The following CHD7 variants were observed in gnomAD, a reference collection of about 807,000 sequenced individuals.
CHD7 encodes the protein ATP-dependent chromatin remodeler CHD7.
In CHD7, 24 loss-of-function variants were observed where a neutral mutation model predicts 307.3. The ratio of observed to expected loss-of-function variants is 0.08; its 90% CI spans 0.06 to 0.11. The LOEUF is 0.11. Among genes scored for constraint, CHD7 ranks in the 10% least tolerant of loss-of-function variants. The probability of loss-of-function intolerance (pLI) is 1.00; values close to 1 mark genes in which losing one functional copy is unlikely to be tolerated. For synonymous variants in CHD7, 1,363 were observed against 1,349.9 expected (o/e 1.01, Z -0.21); for missense variants, 3,106 against 3,727.1 (o/e 0.83, Z 4.34).
chr8:60,742,646 C>T lies in CHD7; in HGVS notation c.1214C>T (p.Pro405Leu). 6.2e-7 allele frequency: 1 copy of T among 1,610,938 alleles called. No individual in the cohort carries two copies. Among genetic ancestry groups the T allele is most frequent in the Non-Finnish European group, 8.5e-7 (1 of 1,177,776 alleles). ...PMSPMKAMSN[P>L]AGTPPPQVRP... ...TCACCCATGAAAGCAATGAGTAATC[C>T]AGCAGGCACTCCTCCTCCACAAGTC... The change falls in exon 2 of 38, where the codon CCA becomes CTA. Residue 405 changes from proline to leucine, a missense_variant. Transcript: ENST00000423902.
intron 4 of CHD7, among the ~76,000 whole-genome samples, chr8:60,796,539 A>G (rs1004873912): frequency 2.6e-5 from 4 of 152,166 alleles, no homozygotes; most frequent in African/African-American, 9.7e-5. Context: ...TTATTTCACA[A>G]ATACTGCTAT....
chr8:60,829,435 TA>T (rs1400598951), intron 14 of CHD7, among the ~76,000 whole-genome samples: 2 of 151,706 alleles, frequency 1.3e-5, no homozygotes, highest in South Asian at 2.1e-4. Context: ...CCATCTCTAC[TA>T]AAAAAAATAC....
intron 3 of CHD7, among the ~76,000 whole-genome samples, chr8:60,784,535 A>G (rs1811403951): frequency 6.6e-6 from 1 of 152,176 alleles, no homozygotes; most frequent in South Asian, 2.1e-4. Context: ...TGTCACTGTC[A>G]GGGAGAGAGC....
chr8:60,821,793 G>A lies in CHD7; in HGVS notation c.2701G>A (p.Val901Met), dbSNP rs1482444554. Residue 901 changes from valine (V) to methionine (M), a missense_variant, in exon 10 of 38, where the codon GTG becomes ATG. Around this residue, in one of 10 missense-constraint regions of CHD7, gnomAD observed 188 missense variants for 261.7 expected, o/e 0.72. Transcript: ENST00000423902. ...ARSTDDRGEP[V>M]THYLVKWCSL... The stretch of plus-strand genomic sequence containing the variant: ...GATTTATTTAAATCTGGTCCAGCCT[G>A]TGACTCACTATCTGGTGAAGTGGTG... The A allele has an allele frequency of 2.6e-6, 4 of 1,556,962 alleles. No individual in the cohort carries two copies. The highest frequency in any genetic ancestry group is 2.0e-5 in the Admixed American group (1 of 51,206).
chr8:60,714,875 A>G (rs902625276), intron 1 of CHD7, among the ~76,000 whole-genome samples: 3 of 152,240 alleles, frequency 2.0e-5, no homozygotes, highest in Admixed American at 6.5e-5. Flanking sequence ...TGTTGCTGAC[A>G]TAGCTCTATC....
At chr8:60,846,837 G>C (rs1458947470) in intron 23 of CHD7, among the ~76,000 whole-genome samples, 1 of 152,202 alleles carries the variant, frequency 6.6e-6, no homozygotes, top group Non-Finnish European at 1.5e-5. Context: ...AGCCAGTTAG[G>C]GGGCAGAACC....
intron 2 of CHD7, among the ~76,000 whole-genome samples, chr8:60,746,704 T>G (rs553125458): frequency 1.3e-5 from 2 of 152,242 alleles, no homozygotes; most frequent in Non-Finnish European, 2.9e-5. Context: ...GGAACACATT[T>G]AAGTATCTTT....
At chr8:60,728,200 C>G (rs1808266226) in intron 1 of CHD7, among the ~76,000 whole-genome samples, 1 of 152,242 alleles carries the variant, frequency 6.6e-6, no homozygotes, top group Non-Finnish European at 1.5e-5. Flanking sequence ...CTTGGAGGGT[C>G]TACTCTGAAA....
At chr8:60,863,099 GTTCT>G (rs1375510286) in intron 37 of CHD7, 1 of 155,922 alleles carries the variant, frequency 6.4e-6, no homozygotes, top group Non-Finnish European at 1.4e-5. Flanking sequence ...TGACATGCTG[GTTCT>G]TTGTTTTAAT....
At chr8:60,738,630 A>G (rs1808828408) in intron 1 of CHD7, among the ~76,000 whole-genome samples, 2 of 152,178 alleles carry the variant, frequency 1.3e-5, no homozygotes, top group South Asian at 4.1e-4. Context: ...ATTATCTCAA[A>G]TCAGAAATAT....
rs749499911 is a variant in CHD7 at position 60,742,619 on chromosome 8, T to C, written c.1187T>C (p.Met396Thr). The C allele has an allele frequency of 1.2e-5, 20 of 1,612,734 alleles. No individual in the cohort carries two copies. The highest frequency in any genetic ancestry group is 1.6e-5 in the Non-Finnish European group (19 of 1,179,094). The change falls in exon 2 of 38, where the codon ATG becomes ACG. Residue 396 changes from methionine to threonine, a missense_variant. By Grantham distance (81) the Met-to-Thr change is moderately conservative (BLOSUM62 -1). Around this residue, in one of 10 missense-constraint regions of CHD7, gnomAD observed 998 missense variants for 1,004.5 expected, o/e 0.99. Coordinates refer to ENST00000423902, the MANE Select transcript of CHD7 (RefSeq NM_017780.4). ...GGAACTTATGCCTCTCCACCTCCCATGTCACCCATGAAAGCAATGAGTAAT... is the reference window on the plus strand; with the variant it reads ...GGAACTTATGCCTCTCCACCTCCCACGTCACCCATGAAAGCAATGAGTAAT... ...PQGTYASPPP[M>T]SPMKAMSNPA... is the part of the protein sequence containing the mutation.
intron 1 of CHD7, among the ~76,000 whole-genome samples, chr8:60,738,272 A>T (rs7846314): frequency 0.26 from 40,114 of 152,040 alleles, 6,578 homozygotes; most frequent in African/African-American, 0.46. Flanking sequence ...TAGCTTATTC[A>T]TTTTTTTATA....
intron 2 of CHD7, among the ~76,000 whole-genome samples, chr8:60,774,345 A>AAG: frequency 6.6e-6 from 1 of 152,274 alleles, no homozygotes; most frequent in Admixed American, 6.5e-5. Flanking sequence ...ACAGGAACTG[A>AAG]AGATGAGGTA....
At chr8:60,857,526 T>C (rs1805769319) in intron 34 of CHD7, among the ~76,000 whole-genome samples, 1 of 152,230 alleles carries the variant, frequency 6.6e-6, no homozygotes, top group Non-Finnish European at 1.5e-5. Context: ...ACCAGAATTT[T>C]ATCCCAAAGA....
chr8:60,784,754 A>T (rs1392024021), intron 3 of CHD7, among the ~76,000 whole-genome samples: 2 of 152,110 alleles, frequency 1.3e-5, no homozygotes, highest in African/African-American at 2.4e-5. Flanking sequence ...CTGCAGGAGG[A>T]CCTAAAAGAA....
At position 60,836,294 on chromosome 8, in the gene CHD7, C is replaced by A; in HGVS notation, c.3989+11C>A. 1 of 1,608,532 alleles carries A rather than the reference C, an allele frequency of 6.2e-7. No individual in the cohort carries two copies. The stretch of plus-strand genomic sequence containing the variant: ...CCTCATTCAAAGACGGTGAGGACCA[C>A]CATATCAGAATAATAAAAAGGAAAT... On this transcript the variant is annotated intron_variant, in intron 16 of 37. Coordinates refer to ENST00000423902, the MANE Select transcript of CHD7 (RefSeq NM_017780.4).
intron 32 of CHD7, 30 bp from the exon 33 acceptor site, chr8:60,855,945 A>G (rs1309912154): frequency 4.7e-6 from 7 of 1,476,358 alleles, no homozygotes; most frequent in Non-Finnish European, 6.5e-6. Context: ...GCTTTGTTAA[A>G]ATTTCTTGTG....
intron 7 of CHD7, 116 bp downstream of exon 7, chr8:60,808,388 A>C: frequency 1.4e-6 from 1 of 695,882 alleles, no homozygotes; most frequent in South Asian, 1.8e-5. Flanking sequence ...TTTAGTCATC[A>C]TGGCCTGGGA....
chr8:60,712,848 G>A (rs1807351597), intron 1 of CHD7, among the ~76,000 whole-genome samples: 1 of 151,998 alleles, frequency 6.6e-6, no homozygotes. Context: ...TCAGGAGTTC[G>A]AGACCAGCCT....
Sources: allele counts gnomAD v4.1 joint callset (sites outside exome capture counted in the v4.1 genomes callset), GRCh38; gene constraint gnomAD v4.1.1; regional missense constraint gnomAD v4.1.1; transcripts MANE v1.5; gene names NCBI Gene and HGNC (gene_info 2026-07-23, HGNC 2026-07-21).